Variants in ADAM12 observed in about 807,000 individuals in gnomAD.
ADAM12 encodes the protein ADAM metallopeptidase domain 12, also known as disintegrin and metalloproteinase domain-containing protein 12.
In ADAM12, 70 loss-of-function variants were observed where a neutral mutation model predicts 106.4. That is an observed-to-expected ratio of 0.66 (90% CI 0.54 to 0.80). ADAM12 has a LOEUF of 0.80. ADAM12 is among the 30% of genes least tolerant of loss of function. ADAM12 has a pLI of 0.00. For missense variants in ADAM12, 1,010 were observed against 1,171.9 expected (o/e 0.86, Z 2.02); for synonymous variants, 420 against 433.5 (o/e 0.97, Z 0.39).
At chr10:126,132,134 C>A (rs909953111) in intron 5 of ADAM12, among the ~76,000 whole-genome samples, 4 of 152,036 alleles carry the variant, frequency 2.6e-5, no homozygotes, top group Admixed American at 2.0e-4. Context: ...GCCACCACGC[C>A]CAGCTAATTT....
chr10:126,139,337 T>G (rs1472749732), intron 4 of ADAM12, among the ~76,000 whole-genome samples: 1 of 151,958 alleles, frequency 6.6e-6, no homozygotes, highest in Admixed American at 6.6e-5. Flanking sequence ...TTTGTTGATA[T>G]CATAAATAAG....
chr10:126,017,162 T>G lies in ADAM12; in HGVS notation c.*117A>C. ...TGACGGCAGTAGCTCAAAGTTCTTATAGTAATGATGTTTTAAACATTAAAA... is the reference window on the plus strand; with the variant it reads ...TGACGGCAGTAGCTCAAAGTTCTTAGAGTAATGATGTTTTAAACATTAAAA... On this transcript the variant is annotated 3_prime_UTR_variant, in exon 23 of 23. Transcript: ENST00000448723. 1.1e-6 allele frequency: 1 copy of G among 907,420 alleles called. No individual in the cohort carries two copies. The highest frequency in any genetic ancestry group is 1.7e-5 in the South Asian group (1 of 58,898). The allele number at this position is 907,420 out of a possible 1,614,324, so 56.2% of individuals were successfully genotyped here. A position where few individuals can be genotyped will look rare whatever the true frequency, so the allele number is the denominator to read the frequency against.
chr10:126,373,942 CA>C (rs1291967541), intron 1 of ADAM12, among the ~76,000 whole-genome samples: 1 of 152,200 alleles, frequency 6.6e-6, no homozygotes, highest in Non-Finnish European at 1.5e-5. Flanking sequence ...ACACACAAGT[CA>C]GAGAACTCTA....
chr10:126,213,182 A>T (rs1200395401), intron 3 of ADAM12, among the ~76,000 whole-genome samples: 1 of 152,216 alleles, frequency 6.6e-6, no homozygotes, highest in African/African-American at 2.4e-5. Flanking sequence ...TAGCTCCAAG[A>T]TCTACTAAAT....
At chr10:126,303,153 T>C (rs1223205135) in intron 2 of ADAM12, among the ~76,000 whole-genome samples, 1 of 152,226 alleles carries the variant, frequency 6.6e-6, no homozygotes, top group African/African-American at 2.4e-5. Context: ...ATGTGATCCA[T>C]TGCTGTTTTG....
intron 1 of ADAM12, among the ~76,000 whole-genome samples, chr10:126,385,539 A>C (rs1021195550): frequency 6.6e-6 from 1 of 152,246 alleles, no homozygotes; most frequent in Non-Finnish European, 1.5e-5. Context: ...ACAAAAATCA[A>C]GACAAGGCAA....
At chr10:126,079,632 A>T (rs1434289098) in intron 11 of ADAM12, among the ~76,000 whole-genome samples, 2 of 152,200 alleles carry the variant, frequency 1.3e-5, no homozygotes, top group African/African-American at 4.8e-5. Flanking sequence ...CAACTTCCCT[A>T]GATTTAAAAT....
At chr10:126,121,520 TTATA>T in intron 5 of ADAM12, among the ~76,000 whole-genome samples, 1 of 142,938 alleles carries the variant, frequency 7.0e-6, no homozygotes, top group Non-Finnish European at 1.5e-5. Flanking sequence ...AAATTATATA[TTATA>T]TAATTATATA....
intron 3 of ADAM12, among the ~76,000 whole-genome samples, chr10:126,252,114 TGGG>T (rs1181053245): frequency 6.9e-4 from 23 of 33,268 alleles, no homozygotes; most frequent in African/African-American, 2.6e-3. Flanking sequence ...GATGGATGGA[TGGG>T]ATGGATGGAT....
chr10:126,257,939 A>G (rs1433995713), intron 3 of ADAM12, among the ~76,000 whole-genome samples: 1 of 152,206 alleles, frequency 6.6e-6, no homozygotes, highest in African/African-American at 2.4e-5. Flanking sequence ...AATAACTAGT[A>G]AGATAGGTGC....
intron 5 of ADAM12, among the ~76,000 whole-genome samples, chr10:126,120,947 GTAATATAATATATATTA>G (rs1956076164): frequency 7.6e-6 from 1 of 132,152 alleles, no homozygotes; most frequent in Non-Finnish European, 1.5e-5. Context: ...TATTACATAT[GTAATATAATATATATTA>G]TATATTACAT....
chr10:126,183,924 C>G (rs1328997211), intron 3 of ADAM12, among the ~76,000 whole-genome samples: 1 of 152,166 alleles, frequency 6.6e-6, no homozygotes, highest in African/African-American at 2.4e-5. Context: ...AAAACTAAGT[C>G]CACACTTAAT....
intron 2 of ADAM12, among the ~76,000 whole-genome samples, chr10:126,286,253 A>T (rs1046537670): frequency 6.6e-6 from 1 of 152,106 alleles, no homozygotes; most frequent in Non-Finnish European, 1.5e-5. Context: ...CTGAGGGTGA[A>T]TTAATGTGGC....
intron 3 of ADAM12, among the ~76,000 whole-genome samples, chr10:126,248,094 G>A (rs772459251): frequency 6.6e-6 from 1 of 152,154 alleles, no homozygotes. Flanking sequence ...GAAATTACTC[G>A]GGTGACATGA....
chr10:126,222,558 C>T (rs995320710), intron 3 of ADAM12, among the ~76,000 whole-genome samples: 2 of 151,296 alleles, frequency 1.3e-5, no homozygotes, highest in African/African-American at 2.4e-5. Context: ...GCCCCAGAAC[C>T]GAGCACGCCA....
In ADAM12 at chr10:126,351,577, C is replaced by T. The variant is rs532344938; in HGVS notation, c.89-21068G>A. On this transcript the variant is annotated intron_variant, in intron 1 of 22. Transcript: ENST00000448723. Reference sequence around the variant, plus strand: ...GACTGCCGCTTCCTCTCCTCGGATCCCCCAGCACTGCACCTTGGACCTCCC... The same window carrying T: ...GACTGCCGCTTCCTCTCCTCGGATCTCCCAGCACTGCACCTTGGACCTCCC... 2.6e-5 allele frequency among the ~76,000 whole-genome samples: 4 copies of T among 152,298 alleles called. No homozygotes were observed. In the East Asian group the frequency reaches 7.7e-4, roughly 30 times the overall value.
Position 126,182,842 on chromosome 10 carries a change from C to T in ADAM12, c.261-27537G>A, listed in dbSNP as rs537441090. 2.6e-5 allele frequency among the ~76,000 whole-genome samples: 4 copies of T among 152,334 alleles called. No individual in the cohort carries two copies. In the East Asian group the frequency reaches 5.8e-4, roughly 22 times the overall value. On this transcript the variant is annotated intron_variant, in intron 3 of 22. Transcript: ENST00000448723. ...TAAACATAAGAAGAGTTAATTTTCC[C>T]GCCTCCTGGCACGCAAGCGTGCAAT...
At chr10:126,067,411 C>T (rs750490923) in intron 12 of ADAM12, among the ~76,000 whole-genome samples, 17 of 152,272 alleles carry the variant, frequency 1.1e-4, no homozygotes, top group Middle Eastern at 3.4e-3. Context: ...AGCAAGTGGC[C>T]GGCAGGAGGC....
At chr10:126,297,929 C>A (rs1960455145) in intron 2 of ADAM12, among the ~76,000 whole-genome samples, 2 of 151,986 alleles carry the variant, frequency 1.3e-5, no homozygotes, top group South Asian at 4.2e-4. Flanking sequence ...AAGACAAAAT[C>A]CAGAAATGAG....
Sources: gnomAD v4.1 joint callset for allele counts (sites outside exome capture counted in the v4.1 genomes callset) on GRCh38, gnomAD v4.1.1 for gene constraint, MANE v1.5 for transcripts, NCBI Gene and HGNC (gene_info 2026-07-23, HGNC 2026-07-21) for gene names.